Variants in AHI1 observed in about 807,000 individuals in gnomAD.
The protein encoded by AHI1 is Abelson helper integration site 1, also known as jouberin.
A neutral mutation model predicts 149.3 loss-of-function variants in AHI1; 123 were observed. The observed-to-expected ratio is 0.82, with a 90% CI of 0.71 to 0.96. AHI1 has a LOEUF of 0.96. Ranked by LOEUF, AHI1 falls within the 40% of genes least tolerant of loss-of-function variation. The pLI is 0.00. For synonymous variants in AHI1, 475 were observed against 459.8 expected (o/e 1.03, Z -0.42); for missense variants, 1,439 against 1,422.7 (o/e 1.01, Z -0.18).
rs543591083 is a variant in AHI1, at chr6:135,437,166, T to A, written c.2036+1209A>T. 6.6e-5 allele frequency among the ~76,000 whole-genome samples: 10 copies of A among 152,308 alleles called. No homozygotes were observed. The South Asian group carries it at 2.1e-3, about 32-fold the overall frequency. ...ATTTCATCTAAATTGAAGATAGTCA[T>A]CTAATGAAGTGGGAAGACTGTGATT... On this transcript the variant is annotated intron_variant, in intron 15 of 28. Coordinates refer to ENST00000265602, the MANE Select transcript of AHI1 (RefSeq NM_001134831.2).
At chr6:135,310,251 T>C (rs1477562971) in intron 26 of AHI1, among the ~76,000 whole-genome samples, 1 of 119,062 alleles carries the variant, frequency 8.4e-6, no homozygotes, top group South Asian at 2.5e-4. Flanking sequence ...AAAAAAATTT[T>C]CTCTATAAAG....
At chr6:135,384,644 T>C (rs1777314384) in intron 23 of AHI1, among the ~76,000 whole-genome samples, 1 of 152,214 alleles carries the variant, frequency 6.6e-6, no homozygotes, top group Non-Finnish European at 1.5e-5. Flanking sequence ...TAGGCAAGTT[T>C]TATTATTAAA....
intron 24 of AHI1, among the ~76,000 whole-genome samples, chr6:135,342,198 T>C (rs1439958018): frequency 6.6e-6 from 1 of 151,724 alleles, no homozygotes; most frequent in Non-Finnish European, 1.5e-5. Flanking sequence ...ATAGCTTATA[T>C]GAAAGGGACA....
chr6:135,347,812 T>C (rs1217050357), intron 24 of AHI1, among the ~76,000 whole-genome samples: 1 of 152,190 alleles, frequency 6.6e-6, no homozygotes, highest in African/African-American at 2.4e-5. Flanking sequence ...AAAACCAGGA[T>C]TTATTTTCAG....
At chr6:135,449,080 T>C (rs1787697443) in intron 11 of AHI1, among the ~76,000 whole-genome samples, 1 of 152,172 alleles carries the variant, frequency 6.6e-6, no homozygotes, top group Admixed American at 6.5e-5. Context: ...AGAATCTCGC[T>C]CTGTTATCCA....
chr6:135,490,515 T>C, intron 5 of AHI1, 108 bp downstream of exon 5: 1 of 1,277,854 alleles, frequency 7.8e-7, no homozygotes, highest in East Asian at 2.3e-5. Flanking sequence ...GACATAGTGT[T>C]ACTGTTTTTA....
chr6:135,305,509 C>T (rs1784438827), intron 26 of AHI1, among the ~76,000 whole-genome samples: 1 of 152,194 alleles, frequency 6.6e-6, no homozygotes, highest in Admixed American at 6.5e-5. Flanking sequence ...GTCCTTCCTA[C>T]ATTCTTAAAC....
chr6:135,427,526 C>T (rs953795429), intron 19 of AHI1, among the ~76,000 whole-genome samples: 1 of 151,552 alleles, frequency 6.6e-6, no homozygotes, highest in African/African-American at 2.4e-5. Context: ...CTTTCTACCT[C>T]TTCAATGAGG....
Position 135,373,245 on chromosome 6 carries a change from CTA to C in AHI1, c.3110-15060_3110-15059del, listed in dbSNP as rs559573469. 3.7e-3 allele frequency among the ~76,000 whole-genome samples: 567 copies of C among 152,260 alleles called. 2 individuals carry two copies. The highest frequency in any genetic ancestry group is 0.013 in the African/African-American group (547 of 41,560). On this transcript the variant is annotated intron_variant, in intron 23 of 28. Coordinates refer to ENST00000265602, the MANE Select transcript of AHI1 (RefSeq NM_001134831.2). Reference sequence around the variant, plus strand: ...AATACTGCATTTTGCTGTACCTTTTCTATGTTTAGATACACAATTTTTACCAT... The same window carrying C: ...AATACTGCATTTTGCTGTACCTTTTCTGTTTAGATACACAATTTTTACCAT...
intron 11 of AHI1, among the ~76,000 whole-genome samples, chr6:135,450,441 C>T (rs1787916059): frequency 6.6e-6 from 1 of 152,102 alleles, no homozygotes; most frequent in African/African-American, 2.4e-5. Context: ...TCCCCTACCC[C>T]TTTAGGAAAG....
intron 5 of AHI1, among the ~76,000 whole-genome samples, chr6:135,483,058 A>ATT (rs796408900): frequency 2.1e-5 from 3 of 140,580 alleles, no homozygotes; most frequent in African/African-American, 8.0e-5. Context: ...CACCTGGCTA[A>ATT]TTTTTTTTTT....
At chr6:135,452,877 T>C (rs1263685289) in intron 11 of AHI1, among the ~76,000 whole-genome samples, 5 of 152,168 alleles carry the variant, frequency 3.3e-5, no homozygotes, top group Non-Finnish European at 7.4e-5. Flanking sequence ...CAGGAATGTT[T>C]TCCCTGACCC....
chr6:135,369,599 C>A (rs1186247109), intron 23 of AHI1, among the ~76,000 whole-genome samples: 1 of 152,222 alleles, frequency 6.6e-6, no homozygotes, highest in Non-Finnish European at 1.5e-5. Context: ...TTTCCTTCTG[C>A]AATTCCAGTT....
chr6:135,438,306 A>C, intron 15 of AHI1, 69 bp downstream of exon 15: 2 of 1,369,100 alleles, frequency 1.5e-6, no homozygotes, highest in Non-Finnish European at 1.9e-6. Flanking sequence ...TAGTTACATC[A>C]GTTTATATTC....
At chr6:135,349,739 T>C (rs529292399) in intron 24 of AHI1, among the ~76,000 whole-genome samples, 2 of 152,224 alleles carry the variant, frequency 1.3e-5, no homozygotes, top group South Asian at 2.1e-4. Flanking sequence ...TGCTCTAATA[T>C]ATTGTCTTTG....
intron 5 of AHI1, among the ~76,000 whole-genome samples, chr6:135,479,191 C>T (rs963820794): frequency 5.3e-5 from 8 of 152,100 alleles, no homozygotes; most frequent in African/African-American, 1.9e-4. Context: ...TGGGGCACTG[C>T]CTAGGGGCAC....
intron 20 of AHI1, among the ~76,000 whole-genome samples, chr6:135,419,060 A>G (rs1782779892): frequency 6.6e-6 from 1 of 151,554 alleles, no homozygotes; most frequent in Non-Finnish European, 1.5e-5. Flanking sequence ...CAATTCTGGT[A>G]GCCTGTGTTT....
At chr6:135,411,298 A>G in intron 21 of AHI1, 50 bp downstream of exon 21, 1 of 1,524,870 alleles carries the variant, frequency 6.6e-7, no homozygotes, top group Non-Finnish European at 9.1e-7. Flanking sequence ...TGGCAATGTA[A>G]AACAGGATAG....
chr6:135,306,528 G>A (rs569378463), intron 26 of AHI1, among the ~76,000 whole-genome samples: 1 of 152,320 alleles, frequency 6.6e-6, no homozygotes, highest in East Asian at 1.9e-4. Flanking sequence ...GGTAGAGTCA[G>A]TAGGGAAAAA....
Sources: allele counts gnomAD v4.1 joint callset (sites outside exome capture counted in the v4.1 genomes callset), GRCh38; gene constraint gnomAD v4.1.1; transcripts MANE v1.5; gene names NCBI Gene and HGNC (gene_info 2026-07-23, HGNC 2026-07-21).